AGBL4: variants seen among roughly 807,000 people sequenced by gnomAD.
AGBL4 encodes AGBL carboxypeptidase 4.
Under a neutral mutation model 66.4 loss-of-function variants are expected in AGBL4, and 58 were observed. That is an observed-to-expected ratio of 0.87 (90% CI 0.71 to 1.09). AGBL4 has a LOEUF of 1.09. AGBL4 is among the 50% of genes least tolerant of loss of function. The pLI is 0.00. For missense variants in AGBL4, 579 were observed against 631.0 expected (o/e 0.92, Z 0.88); for synonymous variants, 234 against 222.9 (o/e 1.05, Z -0.44).
chr1:48,608,399 A>G (rs1021000039), intron 9 of AGBL4, among the ~76,000 whole-genome samples: 8 of 152,198 alleles, frequency 5.3e-5, no homozygotes, highest in African/African-American at 1.9e-4. Flanking sequence ...CTCTTATTTT[A>G]AAGACATGGG....
At chr1:49,812,799 G>T (rs1178082967) in intron 2 of AGBL4, among the ~76,000 whole-genome samples, 1 of 152,122 alleles carries the variant, frequency 6.6e-6, no homozygotes, top group Non-Finnish European at 1.5e-5. Flanking sequence ...GAACTACTAT[G>T]TGCCAGGTAC....
chr1:49,345,318 T>C (rs1645615321), intron 3 of AGBL4, among the ~76,000 whole-genome samples: 1 of 152,158 alleles, frequency 6.6e-6, no homozygotes. Context: ...AAAATTTCCT[T>C]GTCAATTGTG....
At chr1:48,989,854 G>A (rs1013367700) in intron 5 of AGBL4, among the ~76,000 whole-genome samples, 2 of 151,820 alleles carry the variant, frequency 1.3e-5, no homozygotes, top group African/African-American at 4.8e-5. Flanking sequence ...GTTTGTTTCA[G>A]ATATGTCTTC....
chr1:48,965,917 AT>A (rs1178250680), intron 5 of AGBL4, among the ~76,000 whole-genome samples: 2 of 152,180 alleles, frequency 1.3e-5, no homozygotes, highest in Non-Finnish European at 1.5e-5. Context: ...ATTCCATTGT[AT>A]TATATTTGGG....
chr1:49,718,480 A>G (rs1648335372), intron 2 of AGBL4, among the ~76,000 whole-genome samples: 1 of 152,118 alleles, frequency 6.6e-6, no homozygotes, highest in African/African-American at 2.4e-5. Context: ...CAGCAATGTA[A>G]GAACAGACTA....
At chr1:49,471,109 G>A (rs1453581010) in intron 3 of AGBL4, among the ~76,000 whole-genome samples, 1 of 151,964 alleles carries the variant, frequency 6.6e-6, no homozygotes, top group Non-Finnish European at 1.5e-5. Flanking sequence ...TTTAACCAAA[G>A]CCTCTCTCTA....
At chr1:48,965,974 G>A (rs1022972930) in intron 5 of AGBL4, among the ~76,000 whole-genome samples, 8 of 152,136 alleles carry the variant, frequency 5.3e-5, no homozygotes, top group African/African-American at 1.9e-4. Flanking sequence ...GGAGAAAACA[G>A]ATTTGAGGTA....
At chr1:48,890,357 A>C (rs528251838) in intron 5 of AGBL4, among the ~76,000 whole-genome samples, 4 of 152,328 alleles carry the variant, frequency 2.6e-5, no homozygotes, top group Non-Finnish European at 4.4e-5. Context: ...CATGTGTAAA[A>C]ATTCCTACCT....
intron 3 of AGBL4, among the ~76,000 whole-genome samples, chr1:49,282,226 CT>C (rs924413478): frequency 2.0e-5 from 3 of 152,082 alleles, no homozygotes; most frequent in Non-Finnish European, 1.5e-5. Context: ...GGAAAACCTA[CT>C]TTTTTTGTAT....
intron 2 of AGBL4, among the ~76,000 whole-genome samples, chr1:49,830,389 T>C (rs1312902960): frequency 6.6e-6 from 1 of 152,246 alleles, no homozygotes; most frequent in Admixed American, 6.5e-5. Flanking sequence ...TTTTTACATA[T>C]ATTAGTTGGC....
At chr1:49,110,141 C>T (rs912263124) in intron 4 of AGBL4, among the ~76,000 whole-genome samples, 1 of 152,200 alleles carries the variant, frequency 6.6e-6, no homozygotes, top group African/African-American at 2.4e-5. Flanking sequence ...AGTCCCCTTC[C>T]TGTTTTCTCC....
chr1:49,644,663 T>C (rs924848304), intron 3 of AGBL4, among the ~76,000 whole-genome samples: 8 of 151,478 alleles, frequency 5.3e-5, no homozygotes, highest in Non-Finnish European at 1.0e-4. Context: ...AATCCACAAT[T>C]ATACTCATAT....
intron 4 of AGBL4, among the ~76,000 whole-genome samples, chr1:49,110,332 C>CTAT (rs1357493910): frequency 6.6e-6 from 1 of 152,140 alleles, no homozygotes; most frequent in Non-Finnish European, 1.5e-5. Context: ...AATTTACATT[C>CTAT]ATTATATCAG....
chr1:48,665,223 C>T (rs1310097297), intron 6 of AGBL4, among the ~76,000 whole-genome samples: 1 of 152,088 alleles, frequency 6.6e-6, no homozygotes, highest in African/African-American at 2.4e-5. Context: ...CCTTTAGGAA[C>T]AAAGGGAGAG....
chr1:49,041,358 T>G (rs1332835697), intron 5 of AGBL4, among the ~76,000 whole-genome samples: 2 of 152,072 alleles, frequency 1.3e-5, no homozygotes, highest in African/African-American at 4.8e-5. Context: ...CTCTAGTACC[T>G]TCATCAAGGT....
At chr1:49,946,424 T>G (rs1655213563) in intron 1 of AGBL4, among the ~76,000 whole-genome samples, 1 of 151,894 alleles carries the variant, frequency 6.6e-6, no homozygotes, top group Non-Finnish European at 1.5e-5. Context: ...ACCATGCAAA[T>G]ATATGAAAAT....
At chr1:49,070,162 A>C (rs868551464) in intron 4 of AGBL4, among the ~76,000 whole-genome samples, 3 of 152,130 alleles carry the variant, frequency 2.0e-5, no homozygotes, top group Middle Eastern at 3.4e-3. Flanking sequence ...TAAATAAACA[A>C]TCATGTCATC....
chr1:49,899,718 T>C (rs190944582), intron 1 of AGBL4, among the ~76,000 whole-genome samples: 20 of 152,286 alleles, frequency 1.3e-4, no homozygotes, highest in Admixed American at 4.6e-4. Flanking sequence ...GTTTATTTAA[T>C]TGGTGTCGTA....
chr1:49,887,628 G>A (rs1335207391), intron 1 of AGBL4, among the ~76,000 whole-genome samples: 2 of 152,082 alleles, frequency 1.3e-5, no homozygotes, highest in Middle Eastern at 3.2e-3. Context: ...CCTTCTGGCA[G>A]TAAAATGGAC....
Sources: gnomAD v4.1 joint callset for allele counts (sites outside exome capture counted in the v4.1 genomes callset) on GRCh38, gnomAD v4.1.1 for gene constraint, MANE v1.5 for transcripts, NCBI Gene and HGNC (gene_info 2026-07-23, HGNC 2026-07-21) for gene names.